The following FMN1 variants were observed in gnomAD, a reference collection of about 807,000 sequenced individuals.
FMN1 encodes formin-1.
In FMN1, 110 loss-of-function variants were observed where a neutral mutation model predicts 132.4. The ratio of observed to expected loss-of-function variants is 0.83; its 90% CI spans 0.71 to 0.97. The LOEUF is 0.97. FMN1 is among the 50% of genes least tolerant of loss of function. The pLI is 0.00. For missense variants in FMN1, 1,792 were observed against 1,705.3 expected (o/e 1.05, Z -0.90); for synonymous variants, 722 against 651.7 (o/e 1.11, Z -1.64).
intron 6 of FMN1, among the ~76,000 whole-genome samples, chr15:33,033,692 A>C (rs1241516127): frequency 6.8e-6 from 1 of 147,466 alleles, no homozygotes. Flanking sequence ...GTTCCTTTGT[A>C]GCAAAATCTC....
chr15:32,906,084 C>T (rs2060417788), intron 12 of FMN1, among the ~76,000 whole-genome samples: 1 of 152,184 alleles, frequency 6.6e-6, no homozygotes, highest in Non-Finnish European at 1.5e-5. Flanking sequence ...TGTTAATTAC[C>T]TGCTACCATT....
At chr15:32,939,898 G>C (rs971196914) in intron 9 of FMN1, among the ~76,000 whole-genome samples, 2 of 151,960 alleles carry the variant, frequency 1.3e-5, no homozygotes, top group African/African-American at 4.8e-5. Flanking sequence ...TTTATGGTAG[G>C]AAATTTAATA....
chr15:33,093,492 C>T (rs1159356535), intron 4 of FMN1, among the ~76,000 whole-genome samples: 2 of 152,140 alleles, frequency 1.3e-5, no homozygotes, highest in Non-Finnish European at 2.9e-5. Context: ...GAAGACAGAG[C>T]TGTGGCAAAA....
At chr15:33,184,323 T>C (rs1965803757) in intron 2 of FMN1, among the ~76,000 whole-genome samples, 1 of 152,178 alleles carries the variant, frequency 6.6e-6, no homozygotes, top group Non-Finnish European at 1.5e-5. Context: ...TTTAAAAAAG[T>C]ATTTCCTACT....
chr15:32,847,273 GGTGTGTGTGTGTGTAT>G (rs2058878804), intron 17 of FMN1, among the ~76,000 whole-genome samples: 1 of 130,676 alleles, frequency 7.7e-6, no homozygotes, highest in African/African-American at 2.6e-5. Context: ...AAGATGTAGG[GGTGTGTGTGTGTGTAT>G]GTGTGTGTGT....
chr15:33,075,607 G>A (rs144178798), intron 5 of FMN1, among the ~76,000 whole-genome samples: 4 of 152,190 alleles, frequency 2.6e-5, no homozygotes, highest in East Asian at 1.9e-4. Flanking sequence ...GACAAAGTTT[G>A]CCCTGTTCTT....
intron 20 of FMN1, 94 bp from the exon 21 acceptor site, chr15:32,774,448 C>A: frequency 1.0e-6 from 1 of 980,974 alleles, no homozygotes; most frequent in Non-Finnish European, 1.6e-6. Context: ...GCTGAGTTTC[C>A]GGAATTGTGC....
At chr15:33,106,855 C>T (rs76119207) in intron 4 of FMN1, among the ~76,000 whole-genome samples, 1,606 of 152,132 alleles carry the variant, frequency 0.011, 19 homozygotes, top group Non-Finnish European at 0.017. Context: ...TGTTTCAGCA[C>T]CCCAAAGATA....
chr15:33,064,915 G>GA (rs2037650028), intron 6 of FMN1, 42 bp downstream of exon 6: 1 of 1,374,770 alleles, frequency 7.3e-7, no homozygotes, highest in African/African-American at 1.4e-5. Flanking sequence ...GCCATTGCAG[G>GA]AAGAGATTCA....
At chr15:32,823,705 T>C (rs1270812686) in intron 17 of FMN1, among the ~76,000 whole-genome samples, 3 of 152,192 alleles carry the variant, frequency 2.0e-5, no homozygotes, top group African/African-American at 4.8e-5. Flanking sequence ...AATAAGGACA[T>C]GGTGGTACAA....
At chr15:33,174,380 C>T (rs975973451) in intron 3 of FMN1, among the ~76,000 whole-genome samples, 4 of 152,024 alleles carry the variant, frequency 2.6e-5, no homozygotes, top group East Asian at 3.9e-4. Flanking sequence ...TTACTAGATC[C>T]GATTGATTTT....
At chr15:32,913,825 A>G (rs1472423291) in intron 10 of FMN1, among the ~76,000 whole-genome samples, 1 of 152,148 alleles carries the variant, frequency 6.6e-6, no homozygotes, top group Non-Finnish European at 1.5e-5. Context: ...CATGTATAAC[A>G]TAGATGTTTG....
chr15:33,177,309 T>C (rs1255767493), intron 3 of FMN1, among the ~76,000 whole-genome samples: 2 of 152,196 alleles, frequency 1.3e-5, no homozygotes, highest in Admixed American at 6.5e-5. Flanking sequence ...CTTTAGGTCA[T>C]AGAATATGGA....
chr15:33,152,221 G>A (rs2140278752), intron 4 of FMN1, among the ~76,000 whole-genome samples: 1 of 152,294 alleles, frequency 6.6e-6, no homozygotes, highest in African/African-American at 2.4e-5. Context: ...CCAGAGCAGT[G>A]CTTCTTTTAC....
At chr15:32,926,282 A>G (rs1422229104) in intron 9 of FMN1, 21 bp from the exon 10 acceptor site, 2 of 1,374,652 alleles carry the variant, frequency 1.5e-6, no homozygotes, top group East Asian at 2.4e-5. Flanking sequence ...AAAAAAAAAA[A>G]AAAGAATACA....
intron 5 of FMN1, among the ~76,000 whole-genome samples, chr15:33,084,892 C>T (rs967526315): frequency 6.6e-6 from 1 of 152,176 alleles, no homozygotes; most frequent in Non-Finnish European, 1.5e-5. Context: ...CCTTTCATCA[C>T]GTACTAATGA....
intron 16 of FMN1, among the ~76,000 whole-genome samples, chr15:32,860,106 G>T (rs2141307841): frequency 6.8e-6 from 1 of 147,974 alleles, no homozygotes; most frequent in East Asian, 2.0e-4. Flanking sequence ...GCAGGAGGGA[G>T]GGAGGAAAGA....
At chr15:32,941,600 A>AT (rs141968063) in intron 9 of FMN1, among the ~76,000 whole-genome samples, 2,553 of 152,208 alleles carry the variant, frequency 0.017, 67 homozygotes, top group African/African-American at 0.058. Context: ...CTCACTTTTC[A>AT]TTCTTCTTTG....
chr15:32,906,258 C>T (rs1355613726), intron 12 of FMN1, among the ~76,000 whole-genome samples: 2 of 152,108 alleles, frequency 1.3e-5, no homozygotes, highest in African/African-American at 2.4e-5. Flanking sequence ...AAAACCAGGC[C>T]ACCACTTGTT....
Sources: gnomAD v4.1 joint callset for allele counts (sites outside exome capture counted in the v4.1 genomes callset) on GRCh38, gnomAD v4.1.1 for gene constraint, MANE v1.5 for transcripts, NCBI Gene and HGNC (gene_info 2026-07-23, HGNC 2026-07-21) for gene names.